Variants in ACADVL observed in about 807,000 individuals in gnomAD.
ACADVL encodes the protein very long-chain acyl-CoA dehydrogenase, mitochondrial.
A neutral mutation model predicts 80.4 loss-of-function variants in ACADVL; 73 were observed. That is an observed-to-expected ratio of 0.91 (90% CI 0.75 to 1.10). The LOEUF (loss-of-function observed/expected upper bound fraction) is 1.10. ACADVL is among the 50% of genes least tolerant of loss of function. The pLI, the probability that ACADVL is intolerant of heterozygous loss-of-function variation, is 0.00. For synonymous variants in ACADVL, 392 were observed against 326.5 expected (o/e 1.20, Z -2.16); for missense variants, 878 against 858.9 (o/e 1.02, Z -0.28).
chr17:7,224,750 G>A (rs1039835193), intron 18 of ACADVL, 36 bp downstream of exon 18: 1 of 1,612,610 alleles, frequency 6.2e-7, no homozygotes, highest in Non-Finnish European at 8.5e-7. Flanking sequence ...GAGCCGCAGG[G>A]GGCCTGGGCC....
At chr17:7,222,389 C>A (rs1011754170) in intron 9 of ACADVL, 87 bp downstream of exon 9, 1 of 1,557,210 alleles carries the variant, frequency 6.4e-7, no homozygotes, top group Non-Finnish European at 8.7e-7. Flanking sequence ...ACCCTGGGGA[C>A]GTGTGCAAAA....
Position 7,223,678 on chromosome 17 carries a change from A to C in ACADVL, c.1217A>C (p.Gln406Pro), listed in dbSNP as rs1384021857. 1.2e-6 allele frequency: 2 copies of C among 1,614,044 alleles called. No homozygotes were observed. Among genetic ancestry groups the C allele is most frequent in the Non-Finnish European group, 1.7e-6 (2 of 1,180,042 alleles). Residue 406 changes from glutamine (Q) to proline (P), a missense_variant, in exon 12 of 20, where the codon CAG becomes CCG. Transcript: ENST00000356839. ...TACATGGTGAGTGCTAACATGGACC[A>C]GGGAGCCACGGACTTCCAGATAGAG... The part of the protein sequence containing the change: ...MAYMVSANMD[Q>P]GATDFQIEAA...
upstream of ACADVL, chr17:7,218,412 A>C (rs2071033442): frequency 1.5e-6 from 2 of 1,358,788 alleles, no homozygotes; most frequent in South Asian, 2.5e-5. Context: ...ACACTCATGG[A>C]GGACACCATA....
At chr17:7,223,030 G>T in intron 10 of ACADVL, 103 bp from the exon 11 acceptor site, 1 of 1,457,398 alleles carries the variant, frequency 6.9e-7, no homozygotes. Context: ...ACTGAACTCT[G>T]GTTGTATGCA....
Position 7,223,529 on chromosome 17 carries a change from T to C in ACADVL, c.1183-115T>C. 2.6e-6 allele frequency: 3 copies of C among 1,148,656 alleles called. No homozygotes were observed. The South Asian group carries it at 3.7e-5, about 14-fold the overall frequency. 71.2% of individuals were successfully genotyped at this position (1,148,656 alleles called of 1,614,324 possible). ...CTGATGAACTGACCCAGAACAAGTA[T>C]CTGCCTGACCTGACAAGCTAGGTCA... On this transcript the variant is annotated intron_variant, in intron 11 of 19. Transcript: ENST00000356839.
chr17:7,220,387 C>G, intron 2 of ACADVL, 77 bp from the exon 3 acceptor site: 4 of 1,601,304 alleles, frequency 2.5e-6, no homozygotes, highest in Non-Finnish European at 3.4e-6. Flanking sequence ...GCCGCCTCCC[C>G]GCGCGGCTCT....
rs559421937 is a variant in ACADVL, at chr17:7,225,266, A to G, written c.*169A>G. The G allele has an allele frequency of 3.5e-4, 315 of 899,644 alleles. 2 individuals are homozygous for G. Among genetic ancestry groups the G allele is most frequent in the South Asian group, 2.7e-3 (167 of 61,738 alleles). The allele number at this position is 899,644 out of a possible 1,614,324, so 55.7% of individuals were successfully genotyped here. A position where few individuals can be genotyped will look rare whatever the true frequency, so the allele number is the denominator to read the frequency against. On this transcript the variant is annotated 3_prime_UTR_variant, in exon 20 of 20. Coordinates refer to ENST00000356839, the MANE Select transcript of ACADVL (RefSeq NM_000018.4). ...AAATAATAAAAATTTCTAGCCAGTCATGCTTTGCTCCTGTGTGACGGTTCT... is the reference window on the plus strand; with the variant it reads ...AAATAATAAAAATTTCTAGCCAGTCGTGCTTTGCTCCTGTGTGACGGTTCT...
Position 7,223,750 on chromosome 17 carries a change from G to A in ACADVL, c.1269+20G>A. The stretch of plus-strand genomic sequence containing the variant: ...GGCTCGGTGAGGTCCCAGGCATGCT[G>A]GGAGGGAGTCCAGTTTGGGTGCTCA... On this transcript the variant is annotated intron_variant, in intron 12 of 19. Transcript: ENST00000356839. The A allele has an allele frequency of 6.2e-7, 1 of 1,614,102 alleles. No homozygotes were observed.
At chr17:7,218,511 C>G, upstream of ACADVL, 1 of 1,546,756 alleles carries the variant, frequency 6.5e-7, no homozygotes. Flanking sequence ...CCCTTGGAGG[C>G]CCAGGTCCCT....
upstream of ACADVL, chr17:7,219,481 C>G: frequency 9.6e-7 from 1 of 1,041,906 alleles, no homozygotes; most frequent in Non-Finnish European, 1.2e-6. Flanking sequence ...TACTCACACC[C>G]TAGCTTGGGT....
chr17:7,219,283 G>A, upstream of ACADVL: 1 of 592,640 alleles, frequency 1.7e-6, no homozygotes, highest in East Asian at 1.1e-4. Flanking sequence ...GGCCCGGGAG[G>A]AATCCATCTG....
intron 2 of ACADVL, 86 bp downstream of exon 2, chr17:7,220,283 C>A: frequency 6.7e-7 from 1 of 1,497,156 alleles, no homozygotes; most frequent in Non-Finnish European, 9.0e-7. Flanking sequence ...CCTCTTGGTG[C>A]CAGGTACCTG....
intron 6 of ACADVL, chr17:7,221,317 G>A: frequency 1.1e-6 from 1 of 919,354 alleles, no homozygotes; most frequent in Non-Finnish European, 1.6e-6. Context: ...CTGACTAGTA[G>A]CAAGTCACCC....
intron 18 of ACADVL, 25 bp from the exon 19 acceptor site, chr17:7,224,784 A>T: frequency 6.2e-7 from 1 of 1,613,688 alleles, no homozygotes; most frequent in Non-Finnish European, 8.5e-7. Flanking sequence ...GCCCAGATTT[A>T]TTTTCATCTC....
At chr17:7,221,205 C>T (rs2071198432) in intron 6 of ACADVL, 147 bp downstream of exon 6, 1 of 1,362,600 alleles carries the variant, frequency 7.3e-7, no homozygotes, top group Middle Eastern at 2.5e-4. Context: ...ACTGTCCAAA[C>T]ATAACACAAT....
At position 7,222,243 on chromosome 17, in the gene ACADVL, A is replaced by C. The variant is rs1483466525; in HGVS notation, c.819A>C (p.Gly273=). The change falls in exon 9 of 20, where the codon GGA becomes GGC. Residue 273 remains glycine (G), a synonymous_variant. Transcript: ENST00000356839. The part of the protein sequence containing the change: ...AKTPVTDPAT[G]AVKEKITAFV... Reference sequence around the variant, plus strand: ...CACCAGTTACAGATCCAGCCACAGGAGCCGTGAAGGAGAAGATCACAGCTT... The same window carrying C: ...CACCAGTTACAGATCCAGCCACAGGCGCCGTGAAGGAGAAGATCACAGCTT... 1 of 1,613,964 alleles carries C rather than the reference A, an allele frequency of 6.2e-7. No individual in the cohort carries two copies. The highest frequency in any genetic ancestry group is 2.2e-5 in the East Asian group (1 of 44,874).
chr17:7,219,876 C>T, upstream of ACADVL: 1 of 1,541,118 alleles, frequency 6.5e-7, no homozygotes, highest in Non-Finnish European at 8.7e-7. Context: ...CGTCCGCCGC[C>T]CGGTGCACTG....
chr17:7,222,409 G>A (rs2071275154), intron 9 of ACADVL, 107 bp downstream of exon 9: 5 of 1,501,358 alleles, frequency 3.3e-6, no homozygotes, highest in South Asian at 1.3e-5. Flanking sequence ...AGCCAAAGCA[G>A]GTGGACTGAA....
At chr17:7,217,671 A>AT (rs1474921939), upstream of ACADVL, 3 of 1,210,612 alleles carry the variant, frequency 2.5e-6, no homozygotes, top group Non-Finnish European at 1.1e-6. Flanking sequence ...AGGAGCCAGA[A>AT]TGGGGGGGGT....
Sources: allele counts gnomAD v4.1 joint callset, GRCh38; gene constraint gnomAD v4.1.1; transcripts MANE v1.5; gene names NCBI Gene and HGNC (gene_info 2026-07-23, HGNC 2026-07-21).